The following FRMD6 variants were observed in gnomAD, a reference collection of about 807,000 sequenced individuals.
The protein encoded by FRMD6 is FERM domain containing 6.
FRMD6 carries 37 observed loss-of-function variants against 73.2 expected under a neutral mutation model. That is an observed-to-expected ratio of 0.51 (90% CI 0.39 to 0.66). FRMD6 has a LOEUF of 0.66. Ranked by LOEUF, FRMD6 falls within the 30% of genes least tolerant of loss-of-function variation. FRMD6 has a pLI of 0.00. For missense variants in FRMD6, 714 were observed against 780.5 expected (o/e 0.91, Z 1.02); for synonymous variants, 273 against 282.2 (o/e 0.97, Z 0.33).
At chr14:51,540,257 T>C (rs1422561949) in intron 1 of FRMD6, among the ~76,000 whole-genome samples, 1 of 152,166 alleles carries the variant, frequency 6.6e-6, no homozygotes, top group Non-Finnish European at 1.5e-5. Flanking sequence ...ACAAACTTTC[T>C]GCCCTATTCT....
At chr14:51,621,685 A>G (rs1354020209) in intron 2 of FRMD6, among the ~76,000 whole-genome samples, 1 of 152,206 alleles carries the variant, frequency 6.6e-6, no homozygotes, top group Non-Finnish European at 1.5e-5. Flanking sequence ...AATTTATATG[A>G]TACCAACACA....
intron 2 of FRMD6, among the ~76,000 whole-genome samples, chr14:51,634,719 C>T (rs756974420): frequency 1.3e-5 from 2 of 152,154 alleles, no homozygotes. Context: ...TGGAGGCAGC[C>T]TAGTTAGTAT....
intron 3 of FRMD6, among the ~76,000 whole-genome samples, chr14:51,698,974 G>T (rs1594753020): frequency 6.6e-6 from 1 of 151,880 alleles, no homozygotes; most frequent in Non-Finnish European, 1.5e-5. Flanking sequence ...TTTTGGTGCG[G>T]TGTATTTAAT....
intron 1 of FRMD6, among the ~76,000 whole-genome samples, chr14:51,494,897 A>G (rs540183511): frequency 1.3e-5 from 2 of 152,170 alleles, no homozygotes; most frequent in South Asian, 4.2e-4. Flanking sequence ...ATTTGGCCAC[A>G]CTCTTGATGT....
At chr14:51,613,897 A>AT (rs1890611129) in intron 2 of FRMD6, among the ~76,000 whole-genome samples, 1 of 152,124 alleles carries the variant, frequency 6.6e-6, no homozygotes, top group African/African-American at 2.4e-5. Context: ...CAATACAGAT[A>AT]TTATTTCAAT....
intron 1 of FRMD6, among the ~76,000 whole-genome samples, chr14:51,541,268 G>T (rs1886187823): frequency 6.6e-6 from 1 of 151,994 alleles, no homozygotes; most frequent in South Asian, 2.1e-4. Flanking sequence ...CATTGAACTT[G>T]GGTTTTCTTA....
At chr14:51,532,373 A>C (rs1408882951) in intron 1 of FRMD6, among the ~76,000 whole-genome samples, 13 of 148,850 alleles carry the variant, frequency 8.7e-5, no homozygotes, top group African/African-American at 3.2e-4. Flanking sequence ...CATCTCAAAA[A>C]AAAAAAAAAA....
At chr14:51,404,857 G>T in the FRMD6 span, among the ~76,000 whole-genome samples, 5 of 151,988 alleles carry the variant, frequency 3.3e-5, no homozygotes, top group African/African-American at 1.2e-4. Flanking sequence ...ATGTTGTATA[G>T]ATTATTTAAT....
rs143036513 is a variant in FRMD6 at position 51,504,620 on chromosome 14, C to T, written c.-210+15200C>T. Among the ~76,000 whole-genome samples the T allele has an allele frequency of 2.4e-3, 370 of 152,278 alleles. 2 individuals are homozygous for T. Among genetic ancestry groups the T allele is most frequent in the African/African-American group, 7.7e-3 (320 of 41,564 alleles). On this transcript the variant is annotated intron_variant, in intron 1 of 14. Transcript: ENST00000356218. ...TTTTAACCCTGTCTACTTTTCTCAC[C>T]GGACCTCTTCAGATCCTCTTTCTCT... is the stretch of plus-strand genomic sequence containing the variant.
chr14:51,420,866 C>G, the FRMD6 span, among the ~76,000 whole-genome samples: 1 of 152,144 alleles, frequency 6.6e-6, no homozygotes, highest in Non-Finnish European at 1.5e-5. Context: ...CCTCTGCCTC[C>G]CGGTTCAAGT....
At chr14:51,596,957 G>A (rs1314807309) in intron 2 of FRMD6, among the ~76,000 whole-genome samples, 1 of 152,104 alleles carries the variant, frequency 6.6e-6, no homozygotes, top group East Asian at 1.9e-4. Flanking sequence ...TCCCCACTTA[G>A]GAAAAACTGC....
chr14:51,445,866 T>C, the FRMD6 span, among the ~76,000 whole-genome samples: 1 of 152,256 alleles, frequency 6.6e-6, no homozygotes, highest in African/African-American at 2.4e-5. Flanking sequence ...ATTAAATTAT[T>C]ATGACAGCTA....
intron 2 of FRMD6, among the ~76,000 whole-genome samples, chr14:51,576,563 C>T (rs1328098147): frequency 6.6e-6 from 1 of 152,160 alleles, no homozygotes; most frequent in East Asian, 1.9e-4. Flanking sequence ...TGTGACAGAG[C>T]TTCTCTTTTG....
intron 1 of FRMD6, among the ~76,000 whole-genome samples, chr14:51,551,014 C>T (rs1436757875): frequency 6.6e-6 from 1 of 152,188 alleles, no homozygotes. Context: ...ATGACCTTCA[C>T]TTGTCCCTTG....
the FRMD6 span, among the ~76,000 whole-genome samples, chr14:51,474,733 G>T: frequency 2.6e-5 from 4 of 152,190 alleles, no homozygotes; most frequent in African/African-American, 9.7e-5. Context: ...GGAATTGAAT[G>T]TGAAGGCAAT....
intron 1 of FRMD6, among the ~76,000 whole-genome samples, chr14:51,501,188 G>A (rs1030308323): frequency 6.6e-6 from 1 of 152,114 alleles, no homozygotes; most frequent in Non-Finnish European, 1.5e-5. Flanking sequence ...TTCATTTGGG[G>A]TGTTATGTCA....
chr14:51,707,244 C>A lies in FRMD6; in HGVS notation c.559-834C>A, dbSNP rs377080263. On this transcript the variant is annotated intron_variant, in intron 6 of 13. Transcript: ENST00000344768. Reference sequence around the variant, plus strand: ...GACTATTAATTCATCATATTTAATTCTCTGTAAAATATTCAATAGGAAGAA... The same window carrying A: ...GACTATTAATTCATCATATTTAATTATCTGTAAAATATTCAATAGGAAGAA... 3.9e-5 allele frequency among the ~76,000 whole-genome samples: 6 copies of A among 152,108 alleles called. No homozygotes were observed. In the East Asian group the frequency reaches 5.8e-4, roughly 15 times the overall value.
chr14:51,633,408 C>G (rs979779607), intron 2 of FRMD6, among the ~76,000 whole-genome samples: 2 of 151,316 alleles, frequency 1.3e-5, no homozygotes, highest in Admixed American at 6.6e-5. Context: ...TCAAGACCAG[C>G]CTGGGCAGCA....
chr14:51,688,723 T>C lies in FRMD6; in HGVS notation c.-146-968T>C, dbSNP rs145079767. Among the ~76,000 whole-genome samples the C allele has an allele frequency of 4.7e-3, 713 of 152,304 alleles. 3 individuals carry two copies. The highest frequency in any genetic ancestry group is 7.3e-3 in the Non-Finnish European group (498 of 68,020). ...TTGTCTTGGTTGAATAGTGTTCTAT[T>C]AGCAACAATATATGAAATACTAGAC... On this transcript the variant is annotated intron_variant, in intron 1 of 13. Transcript: ENST00000344768.
Sources: gnomAD v4.1 joint callset for allele counts (sites outside exome capture counted in the v4.1 genomes callset) on GRCh38, gnomAD v4.1.1 for gene constraint, MANE v1.5 for transcripts, NCBI Gene and HGNC (gene_info 2026-07-23, HGNC 2026-07-21) for gene names.